Variants in STK24 observed in about 807,000 individuals in gnomAD.
STK24 encodes serine/threonine-protein kinase 24.
A neutral mutation model predicts 55.6 loss-of-function variants in STK24; 21 were observed. That is an observed-to-expected ratio of 0.38 (90% CI 0.27 to 0.54). STK24 has a LOEUF of 0.54. STK24 is among the 20% of genes least tolerant of loss of function. STK24 has a pLI of 0.79. For missense variants in STK24, 383 were observed against 538.4 expected (o/e 0.71, Z 2.86); for synonymous variants, 200 against 215.2 (o/e 0.93, Z 0.62).
intron 1 of STK24, among the ~76,000 whole-genome samples, chr13:98,535,551 CAG>C (rs1300710425): frequency 1.3e-5 from 2 of 151,970 alleles, no homozygotes; most frequent in Admixed American, 1.3e-4. Flanking sequence ...TACAAATAAA[CAG>C]TAACAAACAG....
intron 2 of STK24, among the ~76,000 whole-genome samples, chr13:98,494,895 C>G (rs1304376109): frequency 6.6e-6 from 1 of 152,170 alleles, no homozygotes; most frequent in Non-Finnish European, 1.5e-5. Context: ...GGTCTGCGAC[C>G]CATGGAGGGA....
chr13:98,482,993 C>T (rs1358574101), intron 2 of STK24, among the ~76,000 whole-genome samples: 1 of 152,244 alleles, frequency 6.6e-6, no homozygotes, highest in East Asian at 1.9e-4. Flanking sequence ...CAGTCCCCAG[C>T]TCTGCGCCTG....
At chr13:98,509,562 A>G (rs1895808014) in intron 2 of STK24, among the ~76,000 whole-genome samples, 1 of 152,242 alleles carries the variant, frequency 6.6e-6, no homozygotes, top group Admixed American at 6.5e-5. Context: ...TTCAAATTTT[A>G]TGTTGCCTTG....
intron 5 of STK24, among the ~76,000 whole-genome samples, chr13:98,471,302 C>CA (rs1325422834): frequency 3.2e-4 from 48 of 152,356 alleles, no homozygotes; most frequent in South Asian, 1.0e-3. Context: ...ATCAATGCAT[C>CA]ACCAGTTTCC....
At chr13:98,535,396 TATAC>T (rs1896699851) in intron 1 of STK24, among the ~76,000 whole-genome samples, 2 of 60,090 alleles carry the variant, frequency 3.3e-5, no homozygotes, top group Admixed American at 2.2e-4. Flanking sequence ...TATATGTGTG[TATAC>T]ACACACACAC....
At chr13:98,516,904 T>C (rs188924447) in intron 2 of STK24, among the ~76,000 whole-genome samples, 23 of 152,364 alleles carry the variant, frequency 1.5e-4, no homozygotes, top group Admixed American at 4.6e-4. Flanking sequence ...TAGGCTGATC[T>C]GAAACCTAAC....
At chr13:98,509,874 A>T (rs1895823797) in intron 2 of STK24, among the ~76,000 whole-genome samples, 2 of 152,056 alleles carry the variant, frequency 1.3e-5, no homozygotes, top group South Asian at 4.1e-4. Context: ...CTGACTCTTC[A>T]TTCTTGCCTT....
Position 98,474,734 on chromosome 13 carries a change from A to T in STK24, c.597+87T>A, listed in dbSNP as rs1894298022. 3.3e-6 allele frequency: 5 copies of T among 1,500,274 alleles called. No homozygotes were observed. In the South Asian group the frequency reaches 6.7e-5, roughly 20 times the overall value. The allele number at this position is 1,500,274 out of a possible 1,614,324, so 92.9% of individuals were successfully genotyped here. ...ACCTCAAGGTACCAGCTTCGTTCCA[A>T]CTTAGAAAAGCTACCAGGCTAAAGA... On this transcript the variant is annotated intron_variant, in intron 5 of 10. Coordinates refer to ENST00000539966, the MANE Select transcript of STK24 (RefSeq NM_001032296.4).
chr13:98,499,647 TG>T (rs1895374424), intron 2 of STK24, among the ~76,000 whole-genome samples: 1 of 152,070 alleles, frequency 6.6e-6, no homozygotes, highest in African/African-American at 2.4e-5. Flanking sequence ...AACCCAGGCT[TG>T]GACTAGAAGA....
intron 2 of STK24, among the ~76,000 whole-genome samples, chr13:98,489,115 G>A (rs1894921547): frequency 6.6e-6 from 1 of 152,042 alleles, no homozygotes; most frequent in Non-Finnish European, 1.5e-5. Flanking sequence ...CAGCTCTGAT[G>A]GCAACTACAA....
At chr13:98,562,989 A>C (rs183054675) in intron 1 of STK24, among the ~76,000 whole-genome samples, 1 of 152,174 alleles carries the variant, frequency 6.6e-6, no homozygotes, top group East Asian at 1.9e-4. Context: ...ACGTACCTGC[A>C]TGCACAGAAA....
rs1184287730 is a variant in STK24, at chr13:98,461,879, G to A, written c.948C>T (p.Ala316=). ...AGTCCCCAGAATCACTGCCCCCCGAGGCTTGGCCATCTGTTTCCCTTAACA... is the reference window on the plus strand; with the variant it reads ...AGTCCCCAGAATCACTGCCCCCCGAAGCTTGGCCATCTGTTTCCCTTAACA... ...EDSDAETDGQ[A]SGGSDSGDWI... is the part of the protein sequence containing the mutation. The change falls in exon 8 of 11, where the codon GCC becomes GCT. Residue 316 remains alanine, a synonymous_variant. Coordinates refer to ENST00000539966, the MANE Select transcript of STK24 (RefSeq NM_001032296.4). 5.6e-6 allele frequency: 9 copies of A among 1,614,044 alleles called. No individual in the cohort carries two copies. The highest frequency in any genetic ancestry group is 1.7e-5 in the Admixed American group (1 of 60,018).
intron 1 of STK24, among the ~76,000 whole-genome samples, chr13:98,523,067 T>C (rs772102791): frequency 1.3e-5 from 2 of 152,150 alleles, no homozygotes; most frequent in Non-Finnish European, 2.9e-5. Flanking sequence ...TACGAAGAAT[T>C]TCTGATTCAG....
intron 7 of STK24, among the ~76,000 whole-genome samples, chr13:98,462,387 G>A (rs1420327397): frequency 6.6e-6 from 1 of 152,000 alleles, no homozygotes; most frequent in African/African-American, 2.4e-5. Flanking sequence ...AAGCCCACCC[G>A]TGTCCCTCCG....
At chr13:98,499,454 C>A (rs1253311193) in intron 2 of STK24, among the ~76,000 whole-genome samples, 1 of 152,216 alleles carries the variant, frequency 6.6e-6, no homozygotes, top group Non-Finnish European at 1.5e-5. Flanking sequence ...ACCCTCTCAT[C>A]AATCCCTTGG....
intron 2 of STK24, among the ~76,000 whole-genome samples, chr13:98,490,763 A>C (rs1178772028): frequency 6.6e-6 from 1 of 151,830 alleles, no homozygotes; most frequent in Non-Finnish European, 1.5e-5. Flanking sequence ...GCAAACAAAA[A>C]CGTCCAACTT....
At chr13:98,576,075 G>C (rs1897881923) in intron 1 of STK24, 2 of 984,480 alleles carry the variant, frequency 2.0e-6, no homozygotes, top group South Asian at 9.4e-5. Context: ...CCGGGGCCGG[G>C]CCCGGGACCC....
chr13:98,475,141 G>A (rs1302410966), intron 4 of STK24, 109 bp downstream of exon 4: 2 of 1,392,158 alleles, frequency 1.4e-6, no homozygotes, highest in Non-Finnish European at 1.9e-6. Flanking sequence ...CCCAGGCAAG[G>A]CAAACGTGCA....
chr13:98,511,159 G>A (rs1895865703), intron 2 of STK24, among the ~76,000 whole-genome samples: 1 of 152,114 alleles, frequency 6.6e-6, no homozygotes. Context: ...CACTGTGCCC[G>A]GCCCCATATT....
Sources: allele counts gnomAD v4.1 joint callset (sites outside exome capture counted in the v4.1 genomes callset), GRCh38; gene constraint gnomAD v4.1.1; transcripts MANE v1.5; gene names NCBI Gene and HGNC (gene_info 2026-07-23, HGNC 2026-07-21).